LTBP1: variants seen among roughly 807,000 people sequenced by gnomAD.
The protein encoded by LTBP1 is latent transforming growth factor beta binding protein 1.
Under a neutral mutation model 207.6 loss-of-function variants are expected in LTBP1, and 129 were observed. The ratio of observed to expected loss-of-function variants is 0.62; its 90% CI spans 0.54 to 0.72. The LOEUF is 0.72. LTBP1 is among the 30% of genes least tolerant of loss of function. The probability of loss-of-function intolerance (pLI) is 0.00; values close to 1 mark genes in which losing one functional copy is unlikely to be tolerated. For missense variants in LTBP1, 2,281 were observed against 2,217.2 expected (o/e 1.03, Z -0.58); for synonymous variants, 963 against 833.7 (o/e 1.16, Z -2.67).
At chr2:33,307,764 T>G (rs1211773716) in intron 22 of LTBP1, among the ~76,000 whole-genome samples, 1 of 152,228 alleles carries the variant, frequency 6.6e-6, no homozygotes, top group Non-Finnish European at 1.5e-5. Flanking sequence ...TGTTTTATGT[T>G]TTAGGGTCAG....
intron 5 of LTBP1, among the ~76,000 whole-genome samples, chr2:33,143,428 A>G (rs1223291409): frequency 6.6e-6 from 1 of 152,182 alleles, no homozygotes; most frequent in African/African-American, 2.4e-5. Flanking sequence ...CACAGAATTT[A>G]CCTGATACAG....
chr2:33,209,116 G>A lies in LTBP1; in HGVS notation c.1702-8436G>A, dbSNP rs561293619. Reference sequence around the variant, plus strand: ...TCGAACTCCTGACCTCAAGTGACCCGCCTGCCTTGGCCTCCCAAAGTGCTG... The same window carrying A: ...TCGAACTCCTGACCTCAAGTGACCCACCTGCCTTGGCCTCCCAAAGTGCTG... On this transcript the variant is annotated intron_variant, in intron 7 of 33. Transcript: ENST00000404816. Among the ~76,000 whole-genome samples, 22 of 151,974 alleles carry A rather than the reference G, an allele frequency of 1.4e-4. 1 individual carries two copies. The South Asian group carries it at 1.7e-3, about 12-fold the overall frequency.
chr2:33,284,917 C>A lies in LTBP1; in HGVS notation c.3112+4759C>A, dbSNP rs75167831. On this transcript the variant is annotated intron_variant, in intron 19 of 33. Coordinates refer to ENST00000404816, the MANE Select transcript of LTBP1 (RefSeq NM_206943.4). ...TAGGCATCTGACATATGGTGGAACC[C>A]CATCCATGCTACAACCCTTTTTCCC... 5.9e-3 allele frequency among the ~76,000 whole-genome samples: 900 copies of A among 152,236 alleles called. 7 individuals carry two copies. Among genetic ancestry groups the A allele is most frequent in the African/African-American group, 0.021 (868 of 41,544 alleles).
intron 12 of LTBP1, among the ~76,000 whole-genome samples, chr2:33,258,903 G>C (rs2092935597): frequency 6.6e-6 from 1 of 152,134 alleles, no homozygotes; most frequent in South Asian, 2.1e-4. Context: ...ATGAAGGACT[G>C]ATTAATGAAA....
chr2:33,088,579 C>T (rs1264852575), intron 3 of LTBP1, among the ~76,000 whole-genome samples: 1 of 152,130 alleles, frequency 6.6e-6, no homozygotes, highest in African/African-American at 2.4e-5. Context: ...GGAAATGTAT[C>T]CCTAGACTGT....
intron 19 of LTBP1, among the ~76,000 whole-genome samples, chr2:33,284,734 A>T (rs1159242914): frequency 6.6e-6 from 1 of 152,188 alleles, no homozygotes; most frequent in Non-Finnish European, 1.5e-5. Flanking sequence ...GATACATTTG[A>T]TATTGCTAAT....
At chr2:33,019,581 G>A (rs1471023811) in intron 2 of LTBP1, among the ~76,000 whole-genome samples, 4 of 151,682 alleles carry the variant, frequency 2.6e-5, no homozygotes, top group South Asian at 2.1e-4. Context: ...GTGATCCACC[G>A]GGCTCCGTCT....
At chr2:33,151,033 C>T (rs556704145) in intron 5 of LTBP1, among the ~76,000 whole-genome samples, 12 of 152,156 alleles carry the variant, frequency 7.9e-5, no homozygotes, top group Non-Finnish European at 1.6e-4. Context: ...AACCACCACA[C>T]CTGGTCTCAC....
chr2:33,195,965 G>T (rs2088504053), intron 7 of LTBP1, among the ~76,000 whole-genome samples: 1 of 152,136 alleles, frequency 6.6e-6, no homozygotes, highest in South Asian at 2.1e-4. Context: ...ACTCACAGAA[G>T]GCTCCGATGA....
chr2:33,292,979 C>T lies in LTBP1; in HGVS notation c.3113-181C>T, dbSNP rs112792290. On this transcript the variant is annotated intron_variant, in intron 19 of 33. Transcript: ENST00000404816. ...CAGAAGGTAAGTTAAAGTATAGAAC[C>T]GTCATCCATTTAGCTCACGACAAGC... 1.6e-4 allele frequency among the ~76,000 whole-genome samples: 24 copies of T among 152,242 alleles called. 2 individuals are homozygous for T. The highest frequency in any genetic ancestry group is 5.5e-4 in the African/African-American group (23 of 41,554).
At chr2:33,285,264 A>G (rs1356338823) in intron 19 of LTBP1, among the ~76,000 whole-genome samples, 2 of 150,722 alleles carry the variant, frequency 1.3e-5, no homozygotes, top group East Asian at 2.0e-4. Flanking sequence ...CTAGCCTCGA[A>G]CTCCTGACCT....
At chr2:33,035,857 G>C (rs1489765761) in intron 3 of LTBP1, among the ~76,000 whole-genome samples, 1 of 152,108 alleles carries the variant, frequency 6.6e-6, no homozygotes, top group African/African-American at 2.4e-5. Context: ...AACCCAAACT[G>C]TTGTACCCAC....
chr2:33,201,651 A>C (rs1307075600), intron 7 of LTBP1, among the ~76,000 whole-genome samples: 3 of 151,320 alleles, frequency 2.0e-5, no homozygotes, highest in Non-Finnish European at 4.4e-5. Flanking sequence ...AAAGAAGAAG[A>C]AAAAAAAAGA....
chr2:33,243,263 A>C (rs1573387751), intron 9 of LTBP1, among the ~76,000 whole-genome samples: 1 of 152,196 alleles, frequency 6.6e-6, no homozygotes, highest in Non-Finnish European at 1.5e-5. Flanking sequence ...GATGACTTGG[A>C]CTGCTTTTCA....
intron 2 of LTBP1, among the ~76,000 whole-genome samples, chr2:32,966,073 C>G (rs1679959199): frequency 6.6e-6 from 1 of 152,088 alleles, no homozygotes; most frequent in South Asian, 2.1e-4. Flanking sequence ...TTGCAGTTCC[C>G]TAATAAATAA....
At chr2:33,077,720 G>A (rs1381303377) in intron 3 of LTBP1, among the ~76,000 whole-genome samples, 4 of 152,080 alleles carry the variant, frequency 2.6e-5, no homozygotes, top group Admixed American at 6.6e-5. Context: ...GATCCAAACC[G>A]TATCAAAACG....
At chr2:33,061,675 A>ATAAATATATGGCAATTTGTTTG in intron 3 of LTBP1, among the ~76,000 whole-genome samples, 1 of 152,308 alleles carries the variant, frequency 6.6e-6, no homozygotes, top group Non-Finnish European at 1.5e-5. Context: ...ATTCCATTGT[A>ATAAATATATGGCAATTTGTTTG]TAAATATATG....
intron 9 of LTBP1, among the ~76,000 whole-genome samples, chr2:33,240,868 T>G (rs2092295219): frequency 6.6e-6 from 1 of 152,038 alleles, no homozygotes; most frequent in South Asian, 2.1e-4. Context: ...GCCAGGATGG[T>G]CTCGATCTCC....
At chr2:33,176,686 C>T (rs2086095516) in intron 5 of LTBP1, among the ~76,000 whole-genome samples, 1 of 152,136 alleles carries the variant, frequency 6.6e-6, no homozygotes, top group Non-Finnish European at 1.5e-5. Flanking sequence ...AGTGCACGAC[C>T]TGACCAGCTT....
Sources: gnomAD v4.1 joint callset for allele counts (sites outside exome capture counted in the v4.1 genomes callset) on GRCh38, gnomAD v4.1.1 for gene constraint, MANE v1.5 for transcripts, NCBI Gene and HGNC (gene_info 2026-07-23, HGNC 2026-07-21) for gene names.